Variants in ATP8A1 observed in about 807,000 individuals in gnomAD.
ATP8A1 encodes the protein ATPase phospholipid transporting 8A1, also known as phospholipid-transporting ATPase IA.
A neutral mutation model predicts 177.7 loss-of-function variants in ATP8A1; 90 were observed. That is an observed-to-expected ratio of 0.51 (90% CI 0.43 to 0.60). The LOEUF is 0.60. ATP8A1 is among the 20% of genes least tolerant of loss of function. The pLI is 0.00. For missense variants in ATP8A1, 1,072 were observed against 1,392.8 expected (o/e 0.77, Z 3.67); for synonymous variants, 493 against 485.9 (o/e 1.01, Z -0.19).
intron 1 of ATP8A1, among the ~76,000 whole-genome samples, chr4:42,638,915 C>G (rs1235246287): frequency 1.3e-5 from 2 of 152,104 alleles, no homozygotes; most frequent in Non-Finnish European, 2.9e-5. Context: ...GGACTGGATT[C>G]TAATCCAAGC....
chr4:42,524,248 G>A (rs1726444917), intron 21 of ATP8A1, among the ~76,000 whole-genome samples: 1 of 152,070 alleles, frequency 6.6e-6, no homozygotes, highest in Admixed American at 6.6e-5. Context: ...GCCTCACACA[G>A]AGCCTGGCGT....
At chr4:42,602,976 T>C (rs1385004573) in intron 5 of ATP8A1, among the ~76,000 whole-genome samples, 2 of 151,982 alleles carry the variant, frequency 1.3e-5, no homozygotes, top group South Asian at 2.1e-4. Flanking sequence ...AACTGGTCAA[T>C]AGTGTCTAGA....
chr4:42,460,995 T>G (rs555606980), intron 27 of ATP8A1, among the ~76,000 whole-genome samples: 2 of 152,312 alleles, frequency 1.3e-5, no homozygotes, highest in South Asian at 4.2e-4. Context: ...AACCATTCAG[T>G]TCACTTATTT....
chr4:42,588,201 C>A, intron 8 of ATP8A1, 59 bp downstream of exon 8: 1 of 1,390,978 alleles, frequency 7.2e-7, no homozygotes, highest in South Asian at 1.2e-5. Flanking sequence ...AAGAAAGAAG[C>A]TCTTAATTCC....
chr4:42,575,733 C>G (rs753073075), intron 12 of ATP8A1, 34 bp from the exon 13 acceptor site: 1 of 1,552,840 alleles, frequency 6.4e-7, no homozygotes, highest in Non-Finnish European at 8.9e-7. Flanking sequence ...TTGAACACAA[C>G]TGGTAATAAG....
intron 3 of ATP8A1, among the ~76,000 whole-genome samples, chr4:42,624,882 T>C (rs1737881563): frequency 6.6e-6 from 1 of 152,122 alleles, no homozygotes; most frequent in African/African-American, 2.4e-5. Flanking sequence ...TAAGTTACAG[T>C]ATATCTATTC....
intron 23 of ATP8A1, among the ~76,000 whole-genome samples, chr4:42,504,931 T>A (rs1317281075): frequency 6.6e-6 from 1 of 152,232 alleles, no homozygotes; most frequent in Non-Finnish European, 1.5e-5. Context: ...AGACAGCTTT[T>A]CTCTAATCAT....
intron 18 of ATP8A1, 24 bp downstream of exon 18, chr4:42,551,174 G>C (rs957164272): frequency 1.3e-6 from 2 of 1,580,336 alleles, no homozygotes; most frequent in African/African-American, 1.3e-5. Context: ...GGATTAAAAA[G>C]AACCTTAAAA....
In ATP8A1 at chr4:42,627,044, T is replaced by C. The variant is rs1023130054; in HGVS notation, c.115A>G (p.Ile39Val). ...GTCAGCTGGGGCTGGTTGATGAAAA[T>C]AGTCCTTACTTCCTCCTGGTCAGCC... is the stretch of plus-strand genomic sequence containing the variant. Reference protein sequence around the residue: ...SLADQEEVRTIFINQPQLTKF... With the variant: ...SLADQEEVRTVFINQPQLTKF... The change falls in exon 2 of 37, where the codon ATT becomes GTT. Residue 39 changes from isoleucine (I) to valine (V), a missense_variant. Ile to Val is a conservative substitution (Grantham distance 29). Coordinates refer to ENST00000381668, the MANE Select transcript of ATP8A1 (RefSeq NM_006095.2). The C allele has an allele frequency of 1.2e-6, 2 of 1,614,128 alleles. No homozygotes were observed. Among genetic ancestry groups the C allele is most frequent in the Admixed American group, 1.7e-5 (1 of 60,022 alleles).
At chr4:42,504,915 AACAGAAG>A (rs1724219142) in intron 23 of ATP8A1, among the ~76,000 whole-genome samples, 1 of 152,182 alleles carries the variant, frequency 6.6e-6, no homozygotes, top group African/African-American at 2.4e-5. Flanking sequence ...TTCTCTCTGT[AACAGAAG>A]ACAGCTTTTC....
At chr4:42,520,485 AT>A (rs1395525547) in intron 22 of ATP8A1, among the ~76,000 whole-genome samples, 2 of 152,148 alleles carry the variant, frequency 1.3e-5, no homozygotes, top group Non-Finnish European at 2.9e-5. Flanking sequence ...AGATTATTTT[AT>A]TTTACTACAT....
rs755373545 is a variant in ATP8A1, at chr4:42,543,950, T to C, written c.1689A>G (p.Pro563=). ...RKRMSVIVRT[P]SGKLRLYCKG... The stretch of plus-strand genomic sequence containing the variant: ...TGCAGTAGAGTCGTAACTTTCCAGA[T>C]GGAGTGCGAACAATCACTGACATTC... The change falls in exon 20 of 37, where the codon CCA becomes CCG. Residue 563 remains proline (P), a synonymous_variant. Coordinates refer to ENST00000381668, the MANE Select transcript of ATP8A1 (RefSeq NM_006095.2). 1.9e-5 allele frequency: 31 copies of C among 1,613,198 alleles called. No individual in the cohort carries two copies. The Middle Eastern group carries it at 6.6e-4, about 34-fold the overall frequency.
intron 1 of ATP8A1, among the ~76,000 whole-genome samples, chr4:42,635,810 T>TATAC (rs1305090729): frequency 2.9e-4 from 30 of 103,894 alleles, no homozygotes; most frequent in African/African-American, 1.5e-3. Flanking sequence ...TATATATATA[T>TATAC]ACACATGTAT....
chr4:42,496,821 TAC>T (rs1167657237), intron 24 of ATP8A1, among the ~76,000 whole-genome samples: 1 of 151,672 alleles, frequency 6.6e-6, no homozygotes, highest in Non-Finnish European at 1.5e-5. Flanking sequence ...CACACATATA[TAC>T]GTACATATAT....
chr4:42,555,318 C>A (rs1268808149), intron 16 of ATP8A1, among the ~76,000 whole-genome samples: 1 of 150,110 alleles, frequency 6.7e-6, no homozygotes, highest in African/African-American at 2.5e-5. Flanking sequence ...TGGTACTGAG[C>A]AGATAACTTA....
intron 33 of ATP8A1, among the ~76,000 whole-genome samples, chr4:42,431,645 TCCTAGGATTTTG>T (rs952479595): frequency 6.6e-6 from 1 of 152,214 alleles, no homozygotes; most frequent in Non-Finnish European, 1.5e-5. Flanking sequence ...ATTATGTATT[TCCTAGGATTTTG>T]CCAAATCCAA....
At chr4:42,414,561 T>C in intron 36 of ATP8A1, 66 bp downstream of exon 36, 1 of 1,355,420 alleles carries the variant, frequency 7.4e-7, no homozygotes, top group Non-Finnish European at 1.1e-6. Flanking sequence ...GTCAGGATAC[T>C]GTATAAATGC....
At chr4:42,580,001 T>C in intron 10 of ATP8A1, 23 bp from the exon 11 acceptor site, 2 of 1,552,164 alleles carry the variant, frequency 1.3e-6, no homozygotes, top group Non-Finnish European at 8.7e-7. Flanking sequence ...ACAAGATGAG[T>C]AATAAAAAAT....
intron 1 of ATP8A1, among the ~76,000 whole-genome samples, chr4:42,632,443 A>G (rs1738839641): frequency 6.6e-6 from 1 of 152,214 alleles, no homozygotes; most frequent in South Asian, 2.1e-4. Context: ...TTTGCTATGC[A>G]TATTTTAAAC....
Sources: gnomAD v4.1 joint callset for allele counts (sites outside exome capture counted in the v4.1 genomes callset) on GRCh38, gnomAD v4.1.1 for gene constraint, MANE v1.5 for transcripts, NCBI Gene and HGNC (gene_info 2026-07-23, HGNC 2026-07-21) for gene names.